SERINC5: variants seen among roughly 807,000 people sequenced by gnomAD.
SERINC5 encodes chromosome 5 open reading frame 12.
A neutral mutation model predicts 63.1 loss-of-function variants in SERINC5; 41 were observed. The ratio of observed to expected loss-of-function variants is 0.65; its 90% confidence interval spans 0.51 to 0.84. The LOEUF is 0.84. Ranked by LOEUF, SERINC5 falls within the 40% of genes least tolerant of loss-of-function variation. The pLI is 0.00. For synonymous variants in SERINC5, 222 were observed against 215.2 expected (o/e 1.03, Z -0.28); for missense variants, 523 against 573.0 (o/e 0.91, Z 0.89).
chr5:80,252,455 C>A (rs16877662), intron 1 of SERINC5, among the ~76,000 whole-genome samples: 34 of 152,076 alleles, frequency 2.2e-4, no homozygotes, highest in African/African-American at 5.8e-4. Context: ...TGTTCATTAC[C>A]GTGTCTCTAG....
At chr5:80,160,491 AC>A (rs1746810931) in intron 7 of SERINC5, among the ~76,000 whole-genome samples, 1 of 152,214 alleles carries the variant, frequency 6.6e-6, no homozygotes, top group South Asian at 2.1e-4. Context: ...CTGAAGTGAG[AC>A]TAAAATTATG....
At chr5:80,255,578 C>G (rs897480175) in intron 1 of SERINC5, among the ~76,000 whole-genome samples, 10 of 152,204 alleles carry the variant, frequency 6.6e-5, no homozygotes, top group Non-Finnish European at 1.2e-4. Context: ...CACCAGTGCT[C>G]GGCGCAAGAG....
intron 1 of SERINC5, among the ~76,000 whole-genome samples, chr5:80,216,144 C>T (rs1750651481): frequency 6.6e-6 from 1 of 152,180 alleles, no homozygotes; most frequent in African/African-American, 2.4e-5. Flanking sequence ...TCCTCAGGGG[C>T]AGGTCCTTCA....
In SERINC5 at chr5:80,142,485, C is replaced by A; in HGVS notation, c.*1178G>T. The A allele has an allele frequency of 1.0e-6, 1 of 985,176 alleles. No individual in the cohort carries two copies. The highest frequency in any genetic ancestry group is 1.2e-6 in the Non-Finnish European group (1 of 829,756). The allele number at this position is 985,176 out of a possible 1,614,324, so 61.0% of individuals were successfully genotyped here. On this transcript the variant is annotated 3_prime_UTR_variant, in exon 12 of 12. Coordinates refer to ENST00000507668, the MANE Select transcript of SERINC5 (RefSeq NM_001174072.3). ...CTGACCTCAAGTGATCCGCCTGCCT[C>A]TGCGCACCTCTTTTTAAGTATATTC...
intron 1 of SERINC5, among the ~76,000 whole-genome samples, chr5:80,205,426 G>A (rs1238469336): frequency 1.3e-5 from 2 of 152,212 alleles, no homozygotes; most frequent in South Asian, 4.1e-4. Flanking sequence ...AAGCACCCAG[G>A]GTGCTGGGAT....
chr5:80,251,146 G>A (rs1385398115), intron 1 of SERINC5, among the ~76,000 whole-genome samples: 1 of 152,138 alleles, frequency 6.6e-6, no homozygotes, highest in Non-Finnish European at 1.5e-5. Context: ...AGGCATGGTA[G>A]AACGCACCTG....
chr5:80,161,959 G>A (rs1746957692), intron 7 of SERINC5, among the ~76,000 whole-genome samples: 1 of 152,156 alleles, frequency 6.6e-6, no homozygotes, highest in South Asian at 2.1e-4. Flanking sequence ...ACCACTTATT[G>A]AAAAGGGTAT....
At chr5:80,130,774 T>C (rs537957222) in intron 11 of SERINC5, among the ~76,000 whole-genome samples, 4 of 152,212 alleles carry the variant, frequency 2.6e-5, no homozygotes, top group African/African-American at 7.2e-5. Context: ...TATCCATCCA[T>C]TTGTTCATTT....
At chr5:80,193,935 A>G (rs904305232) in intron 2 of SERINC5, among the ~76,000 whole-genome samples, 2 of 152,170 alleles carry the variant, frequency 1.3e-5, no homozygotes, top group African/African-American at 4.8e-5. Context: ...AACTCAGAGG[A>G]TTTAAGAGGC....
chr5:80,148,179 A>ATT (rs1561368204), intron 9 of SERINC5, among the ~76,000 whole-genome samples: 1 of 117,220 alleles, frequency 8.5e-6, no homozygotes, highest in African/African-American at 3.5e-5. Context: ...TACCTTGCGT[A>ATT]TTTTTTATTC....
At chr5:80,186,967 C>T (rs551932559) in intron 2 of SERINC5, among the ~76,000 whole-genome samples, 105 of 152,064 alleles carry the variant, frequency 6.9e-4, no homozygotes, top group Middle Eastern at 3.4e-3. Flanking sequence ...ACCAGCCTGG[C>T]TAACATGGTG....
At chr5:80,216,412 C>T (rs1330218516) in intron 1 of SERINC5, among the ~76,000 whole-genome samples, 1 of 152,186 alleles carries the variant, frequency 6.6e-6, no homozygotes, top group Non-Finnish European at 1.5e-5. Context: ...CTGTGGGGTT[C>T]ACCACCTTCA....
At chr5:80,244,044 T>C (rs1361751198) in intron 1 of SERINC5, among the ~76,000 whole-genome samples, 2 of 152,134 alleles carry the variant, frequency 1.3e-5, no homozygotes, top group East Asian at 3.9e-4. Context: ...GGCAGGAAGC[T>C]GTTTTCCTAC....
At chr5:80,197,638 T>C (rs1749594427) in intron 2 of SERINC5, among the ~76,000 whole-genome samples, 1 of 152,190 alleles carries the variant, frequency 6.6e-6, no homozygotes, top group African/African-American at 2.4e-5. Flanking sequence ...CCATCCTTCC[T>C]TCTTCAGTAC....
At chr5:80,134,617 G>A (rs545019413), downstream of SERINC5, among the ~76,000 whole-genome samples, 26 of 152,328 alleles carry the variant, frequency 1.7e-4, no homozygotes, top group Non-Finnish European at 3.2e-4. Flanking sequence ...GAACAAATCA[G>A]TAAGTTAGGT....
intron 7 of SERINC5, among the ~76,000 whole-genome samples, chr5:80,160,081 G>A (rs1286748869): frequency 6.6e-6 from 1 of 152,166 alleles, no homozygotes; most frequent in Non-Finnish European, 1.5e-5. Flanking sequence ...CCGGACTTGT[G>A]ACCAGTGGGA....
chr5:80,122,197 G>GTGTATATATA (rs1554057294), intron 11 of SERINC5, among the ~76,000 whole-genome samples: 1 of 116,732 alleles, frequency 8.6e-6, no homozygotes, highest in Non-Finnish European at 1.7e-5. Context: ...AGAACTAATA[G>GTGTATATATA]TATATATATA....
At position 80,150,874 on chromosome 5, in the gene SERINC5, G is replaced by C. The variant is rs1746136275; in HGVS notation, c.1053+8C>G. ...ATGAAGCAGGACAGGAAAAGGAAAT[G>C]AACTTACCTCCAATTCAGGAGCTGC... On this transcript the variant is annotated splice_region_variant and intron_variant, in intron 9 of 11. Transcript: ENST00000507668. The C allele has an allele frequency of 6.2e-7, 1 of 1,602,598 alleles. No individual in the cohort carries two copies. The highest frequency in any genetic ancestry group is 1.1e-5 in the South Asian group (1 of 90,818).
At chr5:80,232,128 GGCAAGGTGGCTCACGCCTGTAATCCCA>G (rs1751467861) in intron 1 of SERINC5, among the ~76,000 whole-genome samples, 5 of 149,428 alleles carry the variant, frequency 3.3e-5, no homozygotes, top group Admixed American at 3.3e-4. Flanking sequence ...AAAAAGGCCG[GGCAAGGTGGCTCACGCCTGTAATCCCA>G]GCATTTTGGG....
Sources: gnomAD v4.1 joint callset for allele counts (sites outside exome capture counted in the v4.1 genomes callset) on GRCh38, gnomAD v4.1.1 for gene constraint, MANE v1.5 for transcripts, NCBI Gene and HGNC (gene_info 2026-07-23, HGNC 2026-07-21) for gene names.